Variants in FSTL1 observed in about 807,000 individuals in gnomAD.
FSTL1 encodes follistatin like 1.
Under a neutral mutation model 45.9 loss-of-function variants are expected in FSTL1, and 24 were observed. The observed-to-expected ratio is 0.52, with a 90% CI of 0.38 to 0.74. The LOEUF (loss-of-function observed/expected upper bound fraction) is 0.74. Among genes scored for constraint, FSTL1 ranks in the 30% least tolerant of loss-of-function variants. The pLI is 0.00. For synonymous variants in FSTL1, 120 were observed against 137.6 expected, an observed-to-expected ratio of 0.87 and a Z score of 0.89; for missense variants, 340 against 381.8, an observed-to-expected ratio of 0.89 and a Z score of 0.91.
chr3:120,427,137 G>C (rs1205734427), intron 2 of FSTL1, among the ~76,000 whole-genome samples: 1 of 152,172 alleles, frequency 6.6e-6, no homozygotes, highest in Non-Finnish European at 1.5e-5. Flanking sequence ...GTCACCATCT[G>C]GGAAGTCTGA....
intron 2 of FSTL1, among the ~76,000 whole-genome samples, chr3:120,441,099 TG>T (rs1332326298): frequency 2.6e-5 from 4 of 152,244 alleles, no homozygotes; most frequent in Non-Finnish European, 5.9e-5. Context: ...TGAGAGTAAT[TG>T]GCACTTATTT....
At chr3:120,400,669 T>C (rs778817240) in intron 9 of FSTL1, among the ~76,000 whole-genome samples, 4 of 152,228 alleles carry the variant, frequency 2.6e-5, no homozygotes, top group Non-Finnish European at 4.4e-5. Context: ...CACAGCAGTT[T>C]CCCTTGGCTC....
At chr3:120,416,597 T>C (rs562850152) in intron 2 of FSTL1, among the ~76,000 whole-genome samples, 10 of 152,304 alleles carry the variant, frequency 6.6e-5, no homozygotes, top group African/African-American at 2.2e-4. Context: ...TACAGAACTA[T>C]GACTATCTGA....
At chr3:120,447,860 A>C (rs563468844) in intron 2 of FSTL1, among the ~76,000 whole-genome samples, 1 of 152,194 alleles carries the variant, frequency 6.6e-6, no homozygotes. Flanking sequence ...GATGTTGCCC[A>C]GGCTGGTCTC....
intron 2 of FSTL1, among the ~76,000 whole-genome samples, chr3:120,428,750 GCAA>G (rs71156800): frequency 2.2e-4 from 33 of 151,050 alleles, no homozygotes; most frequent in Non-Finnish European, 3.1e-4. Flanking sequence ...AAAACAAACA[GCAA>G]CAACAACAAC....
intron 10 of FSTL1, among the ~76,000 whole-genome samples, chr3:120,399,388 A>T (rs1203031344): frequency 1.3e-5 from 2 of 152,228 alleles, no homozygotes; most frequent in Non-Finnish European, 2.9e-5. Context: ...TTCTAGCCAG[A>T]CTGATGTTGA....
rs1389088071 is a variant in FSTL1, at chr3:120,433,957, G to A, written c.63+16727C>T. On this transcript the variant is annotated intron_variant, in intron 2 of 10. Coordinates refer to ENST00000295633, the MANE Select transcript of FSTL1 (RefSeq NM_007085.5). ...TGTAGGGTTTTAAAGGTACTGATAA[G>A]TCTGTATTTTATTCTTAATGCAATG... Among the ~76,000 whole-genome samples the A allele has an allele frequency of 2.6e-5, 4 of 152,338 alleles. No homozygotes were observed. The East Asian group carries it at 5.8e-4, about 22-fold the overall frequency.
chr3:120,436,999 CTT>C (rs1937573686), intron 2 of FSTL1, among the ~76,000 whole-genome samples: 1 of 152,120 alleles, frequency 6.6e-6, no homozygotes, highest in Non-Finnish European at 1.5e-5. Flanking sequence ...ATGTCTGAGT[CTT>C]TGCTCAGGGT....
chr3:120,425,324 T>C (rs1449201638), intron 2 of FSTL1, among the ~76,000 whole-genome samples: 1 of 149,750 alleles, frequency 6.7e-6, no homozygotes, highest in East Asian at 2.0e-4. Context: ...ATGAATGCCA[T>C]GTAAGAGAAA....
At position 120,436,216 on chromosome 3, in the gene FSTL1, T is replaced by C. The variant is rs575240534; in HGVS notation, c.63+14468A>G. On this transcript the variant is annotated intron_variant, in intron 2 of 10. Transcript: ENST00000295633. ...TATCTGTAAGAGGAAGCGGTTAACT[T>C]TGTAACTATCCTTTAAAACAACATG... is the stretch of plus-strand genomic sequence containing the variant. Among the ~76,000 whole-genome samples, 142 of 152,328 alleles carry C rather than the reference T, an allele frequency of 9.3e-4. 1 individual carries two copies. The highest frequency in any genetic ancestry group is 1.7e-3 in the Non-Finnish European group (119 of 68,024).
intron 3 of FSTL1, 118 bp from the exon 4 acceptor site, chr3:120,412,101 C>T: frequency 1.7e-5 from 17 of 988,930 alleles, no homozygotes; most frequent in Non-Finnish European, 2.1e-5. Context: ...CTCTCCACCA[C>T]CAGAGATGGT....
intron 1 of FSTL1, 25 bp from the exon 2 acceptor site, chr3:120,450,771 T>A: frequency 1.3e-6 from 2 of 1,546,506 alleles, no homozygotes; most frequent in Non-Finnish European, 1.7e-6. Flanking sequence ...AGAGAGCGAG[T>A]CTGAAGGCGC....
rs1936675776 is a variant in FSTL1 at position 120,395,385 on chromosome 3, C to A, written c.*1567G>T. On this transcript the variant is annotated 3_prime_UTR_variant, in exon 11 of 11. Coordinates refer to ENST00000295633, the MANE Select transcript of FSTL1 (RefSeq NM_007085.5). ...GACTAACTGTAAATGACTGACCTCCCCAAGTCACAGTTTTAGGATTAAATC... is the reference window on the plus strand; with the variant it reads ...GACTAACTGTAAATGACTGACCTCCACAAGTCACAGTTTTAGGATTAAATC... 3.1e-6 allele frequency: 1 copy of A among 324,950 alleles called. No homozygotes were observed. Among genetic ancestry groups the A allele is most frequent in the Non-Finnish European group, 5.9e-6 (1 of 169,776 alleles). The allele number at this position is 324,950 out of a possible 1,614,324, so 20.1% of individuals were successfully genotyped here.
At chr3:120,405,035 C>CG in intron 6 of FSTL1, 64 bp from the exon 7 acceptor site, 1 of 857,178 alleles carries the variant, frequency 1.2e-6, no homozygotes, top group Admixed American at 1.7e-5. Flanking sequence ...ATCATTACTC[C>CG]ACTCAGCTGA....
chr3:120,448,409 T>C (rs139504931), intron 2 of FSTL1, among the ~76,000 whole-genome samples: 292 of 152,300 alleles, frequency 1.9e-3, no homozygotes, highest in Admixed American at 3.4e-3. Flanking sequence ...ACAATTCCCA[T>C]AGGGAGAGGG....
rs1423441084 is a variant in FSTL1 at position 120,393,269 on chromosome 3, A to C, written c.*3683T>G. ...AAGTGATCCAGCTATAATTTTAGGA[A>C]AGCAAAACTTCCACATGACTGAACC... On this transcript the variant is annotated 3_prime_UTR_variant, in exon 11 of 11. Coordinates refer to ENST00000295633, the MANE Select transcript of FSTL1 (RefSeq NM_007085.5). 2 of 152,198 alleles carry C rather than the reference A, an allele frequency of 1.3e-5. No homozygotes were observed. The highest frequency in any genetic ancestry group is 2.4e-5 in the African/African-American group (1 of 41,460). The allele number at this position is 152,198 out of a possible 1,614,324, so 9.4% of individuals were successfully genotyped here.
chr3:120,398,168 T>G (rs182504772), intron 10 of FSTL1, among the ~76,000 whole-genome samples: 3 of 152,194 alleles, frequency 2.0e-5, no homozygotes, highest in African/African-American at 4.8e-5. Context: ...GGAATTAAGA[T>G]AGTAGTGAGA....
At chr3:120,430,467 A>G (rs929646494) in intron 2 of FSTL1, among the ~76,000 whole-genome samples, 1 of 152,212 alleles carries the variant, frequency 6.6e-6, no homozygotes, top group African/African-American at 2.4e-5. Flanking sequence ...AAAACCTGTA[A>G]GCATCAATTT....
intron 3 of FSTL1, among the ~76,000 whole-genome samples, chr3:120,415,082 T>C (rs28487977): frequency 0.11 from 16,736 of 151,250 alleles, 1,093 homozygotes; most frequent in African/African-American, 0.17. Flanking sequence ...AAATTATTGC[T>C]TTTATACAAT....
Sources: allele counts gnomAD v4.1 joint callset (sites outside exome capture counted in the v4.1 genomes callset), GRCh38; gene constraint gnomAD v4.1.1; transcripts MANE v1.5; gene names NCBI Gene and HGNC (gene_info 2026-07-23, HGNC 2026-07-21).